The following MCC variants were observed in gnomAD, a reference collection of about 807,000 sequenced individuals.
MCC encodes MCC regulator of Wnt signaling pathway.
In MCC, 90 loss-of-function variants were observed where a neutral mutation model predicts 116.2. The ratio of observed to expected loss-of-function variants is 0.77; its 90% CI spans 0.65 to 0.92. MCC has a LOEUF of 0.92. Among genes scored for constraint, MCC ranks in the 40% least tolerant of loss-of-function variants. The probability of loss-of-function intolerance (pLI) is 0.00; values close to 1 mark genes in which losing one functional copy is unlikely to be tolerated. For synonymous variants in MCC, 578 were observed against 510.5 expected, an observed-to-expected ratio of 1.13 and a Z score of -1.78; for missense variants, 1,516 against 1,312.2, an observed-to-expected ratio of 1.16 and a Z score of -2.40.
chr5:113,480,426 T>C (rs1346928339), intron 1 of MCC, among the ~76,000 whole-genome samples: 8 of 152,252 alleles, frequency 5.3e-5, no homozygotes, highest in African/African-American at 1.9e-4. Flanking sequence ...GAAATCTGAA[T>C]GTTTCTTAAA....
intron 5 of MCC, among the ~76,000 whole-genome samples, chr5:113,137,021 A>G (rs1758875671): frequency 6.6e-6 from 1 of 152,080 alleles, no homozygotes; most frequent in South Asian, 2.1e-4. Flanking sequence ...ATTTTGAGAT[A>G]TGTGTATTAG....
At chr5:113,033,886 C>T (rs1289163380) in intron 17 of MCC, among the ~76,000 whole-genome samples, 1 of 152,038 alleles carries the variant, frequency 6.6e-6, no homozygotes, top group African/African-American at 2.4e-5. Context: ...AACCGCAGAG[C>T]CAGGGTGGGA....
chr5:113,488,373 G>C lies in MCC; in HGVS notation c.42C>G (p.Ser14Arg). The C allele has an allele frequency of 6.6e-7, 1 of 1,509,288 alleles. No individual in the cohort carries two copies. The highest frequency in any genetic ancestry group is 8.8e-7 in the Non-Finnish European group (1 of 1,135,004). The allele number at this position is 1,509,288 out of a possible 1,614,324, so 93.5% of individuals were successfully genotyped here. A position where few individuals can be genotyped will look rare whatever the true frequency, so the allele number is the denominator to read the frequency against. Residue 14 changes from serine (S) to arginine (R), a missense_variant, in exon 1 of 19, where the codon AGC becomes AGG. Coordinates refer to ENST00000408903, the MANE Select transcript of MCC (RefSeq NM_001085377.2). Reference protein sequence around the residue: ...AAAAAAAGSSSSGGGGGGSGS... With the variant: ...AAAAAAAGSSRSGGGGGGSGS... ...CGCTGCCGCCGCCGCCGCCGCCGCTGCTGGAGCTCCCCGCAGCCGCTGCCG... is the reference window on the plus strand; with the variant it reads ...CGCTGCCGCCGCCGCCGCCGCCGCTCCTGGAGCTCCCCGCAGCCGCTGCCG...
intron 3 of MCC, among the ~76,000 whole-genome samples, chr5:113,273,490 T>C (rs1488509055): frequency 2.0e-5 from 3 of 152,122 alleles, no homozygotes; most frequent in Admixed American, 6.5e-5. Flanking sequence ...TTGGGTTAAG[T>C]ATGACACAGA....
At chr5:113,182,800 G>A (rs767909380) in intron 3 of MCC, among the ~76,000 whole-genome samples, 2 of 152,186 alleles carry the variant, frequency 1.3e-5, no homozygotes, top group Non-Finnish European at 2.9e-5. Flanking sequence ...GGCACTCAAT[G>A]CATGCGCATC....
At chr5:113,482,031 C>G (rs912164423) in intron 1 of MCC, among the ~76,000 whole-genome samples, 9 of 152,156 alleles carry the variant, frequency 5.9e-5, no homozygotes, top group African/African-American at 2.2e-4. Context: ...CCTTTTGTGA[C>G]TGGCTTCTTT....
At chr5:113,301,484 A>AG (rs1001623624) in intron 3 of MCC, among the ~76,000 whole-genome samples, 5 of 152,262 alleles carry the variant, frequency 3.3e-5, no homozygotes, top group African/African-American at 1.2e-4. Context: ...GAAAAAAAAA[A>AG]AGATAGTTAT....
intron 14 of MCC, among the ~76,000 whole-genome samples, chr5:113,057,808 C>T (rs942130565): frequency 1.3e-5 from 2 of 152,258 alleles, no homozygotes; most frequent in Non-Finnish European, 2.9e-5. Flanking sequence ...TAATGTTCCA[C>T]AGGCGAACGC....
At chr5:113,470,188 G>A (rs1029218237) in intron 1 of MCC, among the ~76,000 whole-genome samples, 6 of 152,252 alleles carry the variant, frequency 3.9e-5, no homozygotes, top group Non-Finnish European at 2.9e-5. Flanking sequence ...TACATTTAAA[G>A]TTAATATTGT....
intron 1 of MCC, among the ~76,000 whole-genome samples, chr5:113,430,641 G>A (rs1770608324): frequency 6.6e-6 from 1 of 152,152 alleles, no homozygotes; most frequent in African/African-American, 2.4e-5. Context: ...GTATATGAGA[G>A]GTAAGGCAAA....
At chr5:113,453,413 T>C (rs1332749407) in intron 1 of MCC, among the ~76,000 whole-genome samples, 1 of 152,068 alleles carries the variant, frequency 6.6e-6, no homozygotes, top group Non-Finnish European at 1.5e-5. Context: ...TTCTCACAAA[T>C]CTCTTGAAGT....
At chr5:113,105,352 G>A (rs566995438) in intron 6 of MCC, among the ~76,000 whole-genome samples, 7 of 152,294 alleles carry the variant, frequency 4.6e-5, no homozygotes, top group African/African-American at 1.4e-4. Flanking sequence ...ACCTTTGGAA[G>A]ACTTCAAGAA....
Position 113,078,858 on chromosome 5 carries a change from G to A in MCC, c.1784+4002C>T, listed in dbSNP as rs1754647217. Among the ~76,000 whole-genome samples the A allele has an allele frequency of 2.0e-5, 3 of 152,186 alleles. No individual in the cohort carries two copies. The South Asian group carries it at 6.2e-4, about 32-fold the overall frequency. On this transcript the variant is annotated intron_variant, in intron 11 of 18. Coordinates refer to ENST00000408903, the MANE Select transcript of MCC (RefSeq NM_001085377.2). ...AAAGGGTATTCAATTAGGAAAAGAGGAAGTCAAACTGTCCCTGTTTGCAGA... is the reference window on the plus strand; with the variant it reads ...AAAGGGTATTCAATTAGGAAAAGAGAAAGTCAAACTGTCCCTGTTTGCAGA...
chr5:113,308,786 G>C (rs1767061820), intron 3 of MCC, among the ~76,000 whole-genome samples: 1 of 151,088 alleles, frequency 6.6e-6, no homozygotes, highest in Non-Finnish European at 1.5e-5. Flanking sequence ...CTGGGAGACA[G>C]AGCAAGACCC....
At position 113,488,295 on chromosome 5, in the gene MCC, C is replaced by T. The variant is rs1467788978; in HGVS notation, c.120G>A (p.Met40Ile). Residue 40 changes from methionine (M) to isoleucine (I), a missense_variant, in exon 1 of 19, where the codon ATG (methionine) becomes ATA (isoleucine). Physicochemically the swap from Met to Ile is conservative, Grantham distance 10 (BLOSUM62 1). Transcript: ENST00000408903. Reference protein sequence around the residue: ...DTSSTGEEERMRRLFQTCDGD... With the variant: ...DTSSTGEEERIRRLFQTCDGD... Reference sequence around the variant, plus strand: ...CGTCGCACGTCTGGAAGAGGCGCCGCATCCTCTCCTCCTCGCCGGTGCTGG... The same window carrying T: ...CGTCGCACGTCTGGAAGAGGCGCCGTATCCTCTCCTCCTCGCCGGTGCTGG... 30 of 1,595,202 alleles carry T rather than the reference C, an allele frequency of 1.9e-5. No individual in the cohort carries two copies. Among genetic ancestry groups the T allele is most frequent in the Non-Finnish European group, 2.5e-5 (29 of 1,172,090 alleles).
chr5:113,146,932 C>T (rs1759559720), intron 4 of MCC, among the ~76,000 whole-genome samples: 1 of 152,150 alleles, frequency 6.6e-6, no homozygotes, highest in African/African-American at 2.4e-5. Flanking sequence ...GTTGCAGTGT[C>T]TTGCCTGCCA....
intron 8 of MCC, among the ~76,000 whole-genome samples, chr5:113,100,423 C>A: frequency 6.9e-6 from 1 of 145,806 alleles, no homozygotes; most frequent in Admixed American, 6.9e-5. Context: ...GGAGCAAGAG[C>A]AATGGTGAAG....
chr5:113,406,402 T>C (rs1246355382), intron 1 of MCC, among the ~76,000 whole-genome samples: 1 of 152,216 alleles, frequency 6.6e-6, no homozygotes, highest in East Asian at 1.9e-4. Flanking sequence ...TCTAGTCCCA[T>C]TGGAGAGTTA....
rs375065727 is a variant in MCC at position 113,068,216 on chromosome 5, C to G, written c.1926-33G>C. Reference sequence around the variant, plus strand: ...AAAGCACATGGGGCCTCAGCCCTTGCAGAGAACAGCGGACACCTTCAATGT... The same window carrying G: ...AAAGCACATGGGGCCTCAGCCCTTGGAGAGAACAGCGGACACCTTCAATGT... On this transcript the variant is annotated intron_variant, in intron 12 of 18. Coordinates refer to ENST00000408903, the MANE Select transcript of MCC (RefSeq NM_001085377.2). 1.9e-6 allele frequency: 3 copies of G among 1,546,842 alleles called. No individual in the cohort carries two copies. In the African/African-American group the frequency reaches 4.1e-5, roughly 21 times the overall value.
Sources: gnomAD v4.1 joint callset for allele counts (sites outside exome capture counted in the v4.1 genomes callset) on GRCh38, gnomAD v4.1.1 for gene constraint, MANE v1.5 for transcripts, NCBI Gene and HGNC (gene_info 2026-07-23, HGNC 2026-07-21) for gene names.